The following GRIK2 variants were observed in gnomAD, a reference collection of about 807,000 sequenced individuals.
The protein encoded by GRIK2 is glutamate ionotropic receptor kainate type subunit 2.
A neutral mutation model predicts 100.3 loss-of-function variants in GRIK2; 32 were observed. That is an observed-to-expected ratio of 0.32 (90% CI 0.24 to 0.43). The LOEUF (loss-of-function observed/expected upper bound fraction) is 0.43. Among genes scored for constraint, GRIK2 ranks in the 20% least tolerant of loss-of-function variants. The pLI, the probability that GRIK2 is intolerant of heterozygous loss-of-function variation, is 1.00. For missense variants in GRIK2, 843 were observed against 1,114.9 expected, an observed-to-expected ratio of 0.76 and a Z score of 3.47; for synonymous variants, 417 against 389.4, an observed-to-expected ratio of 1.07 and a Z score of -0.83.
At chr6:101,815,892 C>G (rs1214490058) in intron 9 of GRIK2, among the ~76,000 whole-genome samples, 3 of 151,958 alleles carry the variant, frequency 2.0e-5, no homozygotes, top group Non-Finnish European at 4.4e-5. Context: ...CTGAGATTTA[C>G]AAAAGAGGAT....
At chr6:101,463,833 A>AT (rs1463990951) in intron 2 of GRIK2, among the ~76,000 whole-genome samples, 1 of 141,828 alleles carries the variant, frequency 7.1e-6, no homozygotes, top group East Asian at 2.2e-4. Flanking sequence ...CGTATTGGTA[A>AT]TTAAAAAAAA....
At chr6:101,432,223 A>T (rs1246921884) in intron 2 of GRIK2, among the ~76,000 whole-genome samples, 1 of 152,012 alleles carries the variant, frequency 6.6e-6, no homozygotes, top group Non-Finnish European at 1.5e-5. Flanking sequence ...TATATTTTAT[A>T]TATTTTTCTG....
chr6:101,900,446 C>T (rs919209335), intron 12 of GRIK2, among the ~76,000 whole-genome samples: 1 of 152,134 alleles, frequency 6.6e-6, no homozygotes, highest in African/African-American at 2.4e-5. Flanking sequence ...CATTGCACTC[C>T]AGCCTGGGCA....
At chr6:101,956,115 G>A (rs1040765419) in intron 14 of GRIK2, among the ~76,000 whole-genome samples, 41 of 151,960 alleles carry the variant, frequency 2.7e-4, no homozygotes, top group African/African-American at 9.9e-4. Context: ...CTAATAATAT[G>A]TCCTTATGTC....
At chr6:101,586,646 A>C (rs942393434) in intron 2 of GRIK2, among the ~76,000 whole-genome samples, 1 of 151,928 alleles carries the variant, frequency 6.6e-6, no homozygotes, top group African/African-American at 2.4e-5. Context: ...AGGCAGGTGG[A>C]TTGCCTGTGC....
intron 6 of GRIK2, among the ~76,000 whole-genome samples, chr6:101,685,322 T>A (rs1771597455): frequency 1.3e-5 from 2 of 152,174 alleles, no homozygotes; most frequent in South Asian, 4.1e-4. Flanking sequence ...CTGAATTGTA[T>A]TCTTATTATC....
At chr6:101,784,623 C>A (rs549057952) in intron 7 of GRIK2, among the ~76,000 whole-genome samples, 1 of 152,270 alleles carries the variant, frequency 6.6e-6, no homozygotes, top group Admixed American at 6.5e-5. Context: ...CACCATGTTT[C>A]AAGGGAGAGA....
chr6:101,764,058 G>A (rs1371876733), intron 7 of GRIK2, among the ~76,000 whole-genome samples: 3 of 152,128 alleles, frequency 2.0e-5, no homozygotes, highest in Non-Finnish European at 4.4e-5. Flanking sequence ...TGGCTTCCCT[G>A]ACACCAGTAT....
chr6:101,444,998 C>T (rs893232202), intron 2 of GRIK2, among the ~76,000 whole-genome samples: 2 of 151,950 alleles, frequency 1.3e-5, no homozygotes, highest in African/African-American at 2.4e-5. Flanking sequence ...GACATTTCTT[C>T]TTCCTTCTTA....
At chr6:102,047,404 A>G (rs1766756392) in intron 15 of GRIK2, among the ~76,000 whole-genome samples, 1 of 152,136 alleles carries the variant, frequency 6.6e-6, no homozygotes, top group Non-Finnish European at 1.5e-5. Flanking sequence ...TGAAGACACA[A>G]TAAGTAGAAA....
At chr6:101,751,101 ATTTCTT>A (rs1375332451) in intron 7 of GRIK2, among the ~76,000 whole-genome samples, 1 of 151,904 alleles carries the variant, frequency 6.6e-6, no homozygotes, top group Non-Finnish European at 1.5e-5. Flanking sequence ...TTATGTATCT[ATTTCTT>A]CTAAATTTTT....
At chr6:101,719,138 G>GTTTTTTTTTTTTTTTTTT (rs60301711) in intron 7 of GRIK2, among the ~76,000 whole-genome samples, 2 of 101,148 alleles carry the variant, frequency 2.0e-5, no homozygotes, top group African/African-American at 9.9e-5. Flanking sequence ...GGCTGCAAGG[G>GTTTTTTTTTTTTTTTTTT]TTTTTTTTTT....
At chr6:101,635,611 A>G (rs926669250) in intron 4 of GRIK2, among the ~76,000 whole-genome samples, 2 of 152,048 alleles carry the variant, frequency 1.3e-5, no homozygotes, top group Non-Finnish European at 2.9e-5. Flanking sequence ...ATCCATCTGA[A>G]AAAGGGCTAA....
intron 2 of GRIK2, among the ~76,000 whole-genome samples, chr6:101,409,771 T>C (rs2128237643): frequency 7.0e-6 from 1 of 143,052 alleles, no homozygotes; most frequent in South Asian, 2.3e-4. Flanking sequence ...GAGCTCTGAG[T>C]TTATTAGCAG....
intron 2 of GRIK2, among the ~76,000 whole-genome samples, chr6:101,580,667 T>G (rs1343034963): frequency 6.6e-6 from 1 of 152,038 alleles, no homozygotes; most frequent in African/African-American, 2.4e-5. Flanking sequence ...TAACCCCCAC[T>G]TCCCACCCGA....
intron 7 of GRIK2, among the ~76,000 whole-genome samples, chr6:101,743,862 G>C (rs748841011): frequency 4.6e-5 from 7 of 152,128 alleles, no homozygotes; most frequent in Non-Finnish European, 8.8e-5. Flanking sequence ...GTGGTATTTA[G>C]TTAAATGAAC....
intron 9 of GRIK2, among the ~76,000 whole-genome samples, chr6:101,807,881 G>A (rs963143936): frequency 6.6e-6 from 1 of 152,004 alleles, no homozygotes; most frequent in Admixed American, 6.6e-5. Context: ...TATTCAGTCT[G>A]TGAGTGGAAT....
At chr6:101,538,673 T>A (rs376881447) in intron 2 of GRIK2, among the ~76,000 whole-genome samples, 1 of 151,582 alleles carries the variant, frequency 6.6e-6, no homozygotes, top group East Asian at 1.9e-4. Flanking sequence ...TCTGCTATAG[T>A]GTGTCCTTCC....
At chr6:101,749,851 T>A (rs1776677922) in intron 7 of GRIK2, among the ~76,000 whole-genome samples, 1 of 144,202 alleles carries the variant, frequency 6.9e-6, no homozygotes, top group Admixed American at 7.1e-5. Flanking sequence ...CTTACTCTGA[T>A]GCCCAGGCTG....
Sources: allele counts gnomAD v4.1 joint callset (sites outside exome capture counted in the v4.1 genomes callset), GRCh38; gene constraint gnomAD v4.1.1; transcripts MANE v1.5; gene names NCBI Gene and HGNC (gene_info 2026-07-23, HGNC 2026-07-21).